MORC2: variants seen among roughly 807,000 people sequenced by gnomAD.
MORC2 encodes ATPase MORC2.
Under a neutral mutation model 136.0 loss-of-function variants are expected in MORC2, and 30 were observed. That is an observed-to-expected ratio of 0.22 (90% confidence interval 0.17 to 0.30). MORC2 has a LOEUF of 0.30. Among genes scored for constraint, MORC2 ranks in the 10% least tolerant of loss-of-function variants. The pLI is 1.00. For missense variants in MORC2, 922 were observed against 1,333.1 expected (o/e 0.69, Z 4.80); for synonymous variants, 439 against 487.0 (o/e 0.90, Z 1.30).
intron 24 of MORC2, among the ~76,000 whole-genome samples, chr22:30,931,976 T>C (rs1390823161): frequency 1.3e-5 from 2 of 152,224 alleles, no homozygotes; most frequent in African/African-American, 2.4e-5. Context: ...AGAGTCAAGT[T>C]CTATGCACTT....
chr22:30,947,285 CTGTT>C (rs1294096987), intron 5 of MORC2, among the ~76,000 whole-genome samples: 5 of 152,234 alleles, frequency 3.3e-5, no homozygotes, highest in Non-Finnish European at 7.3e-5. Flanking sequence ...CTTCCTTCCT[CTGTT>C]TGGCCACATT....
chr22:30,943,956 C>T (rs994428070), intron 6 of MORC2, among the ~76,000 whole-genome samples: 6 of 152,212 alleles, frequency 3.9e-5, no homozygotes, highest in Middle Eastern at 3.4e-3. Flanking sequence ...TTAGTAGAGA[C>T]GGGGTTTCAC....
chr22:30,953,999 C>A (rs1249396631), intron 3 of MORC2, among the ~76,000 whole-genome samples: 1 of 152,098 alleles, frequency 6.6e-6, no homozygotes, highest in African/African-American at 2.4e-5. Context: ...ACAACAAGAA[C>A]TTTATAGTAT....
intron 3 of MORC2, among the ~76,000 whole-genome samples, chr22:30,956,097 C>T (rs1377292709): frequency 6.6e-6 from 1 of 151,694 alleles, no homozygotes; most frequent in East Asian, 1.9e-4. Context: ...GTACAAATAC[C>T]AGGCAGAAAG....
At chr22:30,940,696 G>T in intron 10 of MORC2, 62 bp downstream of exon 10, 2 of 1,445,288 alleles carry the variant, frequency 1.4e-6, no homozygotes, top group Non-Finnish European at 1.9e-6. Context: ...ACCCCACTTT[G>T]CCCACAAGCA....
In MORC2 at chr22:30,937,650, C is replaced by T. The variant is rs771840677; in HGVS notation, c.1431G>A (p.Gln477=). ...EFGYLSANWN[Q]PPSSELRYKR... ...TGTAACGCAGCTCACTGGATGGGGG[C>T]TGGTTCCAGTTGGCAGAGAGGTAGC... is the stretch of plus-strand genomic sequence containing the variant. Residue 477 remains glutamine (Q), a synonymous_variant, in exon 15 of 26, where the codon CAG becomes CAA. Coordinates refer to ENST00000397641, the MANE Select transcript of MORC2 (RefSeq NM_001303256.3). This position sits in a 1 kb window ranked among gnomAD's most constrained non-coding sequence, Gnocchi z 4.7. The T allele has an allele frequency of 1.9e-6, 3 of 1,613,904 alleles. No individual in the cohort carries two copies. The highest frequency in any genetic ancestry group is 2.5e-6 in the Non-Finnish European group (3 of 1,180,038).
chr22:30,930,764 A>G (rs1367710542), intron 24 of MORC2, among the ~76,000 whole-genome samples: 1 of 152,120 alleles, frequency 6.6e-6, no homozygotes, highest in Non-Finnish European at 1.5e-5. Context: ...AGCTATTCCT[A>G]TAATAGAAAA....
chr22:30,931,203 G>A (rs2040571326), intron 24 of MORC2, among the ~76,000 whole-genome samples: 1 of 152,198 alleles, frequency 6.6e-6, no homozygotes, highest in African/African-American at 2.4e-5. Flanking sequence ...CACCCTCTTA[G>A]GGGAAGGGGC....
chr22:30,957,715 G>C (rs2040986840), intron 2 of MORC2, among the ~76,000 whole-genome samples: 1 of 152,150 alleles, frequency 6.6e-6, no homozygotes, highest in Non-Finnish European at 1.5e-5. Context: ...CTTTTTAATT[G>C]AATGGAAAAA....
intron 1 of MORC2, among the ~76,000 whole-genome samples, chr22:30,962,374 G>A (rs551797288): frequency 6.6e-6 from 1 of 151,930 alleles, no homozygotes; most frequent in East Asian, 1.9e-4. Context: ...ATCAGCCTGG[G>A]CAACACGGCA....
intron 5 of MORC2, among the ~76,000 whole-genome samples, chr22:30,948,567 A>G (rs906381932): frequency 1.3e-5 from 2 of 152,188 alleles, no homozygotes; most frequent in Non-Finnish European, 2.9e-5. Context: ...TCAATTTACA[A>G]AGGAGGAAGC....
At position 30,932,371 on chromosome 22, in the gene MORC2, T is replaced by C; in HGVS notation, c.2829A>G (p.Ile943Met). 6.2e-7 allele frequency: 1 copy of C among 1,613,574 alleles called. No homozygotes were observed. Residue 943 changes from isoleucine to methionine, a missense_variant, in exon 24 of 26, where the codon ATA becomes ATG. By Grantham distance (10) the Ile-to-Met change is conservative. This residue lies in a region of MORC2 where 263 missense variants were observed against 388.3 expected (regional missense o/e 0.68). Transcript: ENST00000397641. This position sits in a 1 kb window ranked among gnomAD's most constrained non-coding sequence, Gnocchi z 4.4. Reference sequence around the variant, plus strand: ...AGGCCAGACTCACCAGAGGAAAAGATATTAGCTCATCTGAATTCATAGCAC... The same window carrying C: ...AGGCCAGACTCACCAGAGGAAAAGACATTAGCTCATCTGAATTCATAGCAC... ...QLSAMNSDEL[I>M]SFPLKEYFKQ...
chr22:30,933,077 C>T, intron 21 of MORC2, 47 bp from the exon 22 acceptor site: 1 of 1,607,016 alleles, frequency 6.2e-7, no homozygotes, highest in Non-Finnish European at 8.5e-7. Context: ...GCGTAGAGTC[C>T]CTCACTTGGC....
At chr22:30,965,891 T>A (rs1017057046) in intron 1 of MORC2, among the ~76,000 whole-genome samples, 2 of 152,246 alleles carry the variant, frequency 1.3e-5, no homozygotes, top group African/African-American at 4.8e-5. Context: ...TAAAACTGAC[T>A]ACAGTAGGCA....
chr22:30,934,197 G>C lies in MORC2; in HGVS notation c.2194-6C>G. On this transcript the variant is annotated splice_polypyrimidine_tract_variant and splice_region_variant and intron_variant, in intron 19 of 25. Transcript: ENST00000397641. This position sits in a 1 kb window ranked among gnomAD's most constrained non-coding sequence, Gnocchi z 4.4. ...CGCTTCCGACTAGGGGTAGCCTAGA[G>C]CAAGAGGAGCGTGAGGATGTGAGGG... The C allele has an allele frequency of 1.2e-6, 2 of 1,614,130 alleles. No homozygotes were observed. The highest frequency in any genetic ancestry group is 1.7e-6 in the Non-Finnish European group (2 of 1,180,002).
In MORC2 at chr22:30,934,046, C is replaced by T. The variant is rs2040616993; in HGVS notation, c.2325+14G>A. 1.2e-6 allele frequency: 2 copies of T among 1,613,998 alleles called. No individual in the cohort carries two copies. The highest frequency in any genetic ancestry group is 2.7e-5 in the African/African-American group (2 of 75,018). On this transcript the variant is annotated intron_variant, in intron 20 of 25. Coordinates refer to ENST00000397641, the MANE Select transcript of MORC2 (RefSeq NM_001303256.3). This position sits in a 1 kb window ranked among gnomAD's most constrained non-coding sequence, Gnocchi z 4.4. ...AGAGAGAGAGGCTTTGAGAACCTCA[C>T]CTCAACCACTCACCTCATTCGAGTC... is the stretch of plus-strand genomic sequence containing the variant.
chr22:30,950,567 T>C, intron 3 of MORC2, 122 bp from the exon 4 acceptor site: 2 of 890,972 alleles, frequency 2.2e-6, no homozygotes, highest in Non-Finnish European at 3.5e-6. Context: ...GCCTAAACTT[T>C]CTACGCTGGT....
intron 20 of MORC2, among the ~76,000 whole-genome samples, 168 bp downstream of exon 20, chr22:30,933,892 C>T (rs1032857248): frequency 8.6e-5 from 13 of 151,428 alleles, no homozygotes; most frequent in Admixed American, 2.6e-4. Flanking sequence ...GCTCATGACA[C>T]GAATATAAAC....
intron 1 of MORC2, among the ~76,000 whole-genome samples, chr22:30,964,552 A>G (rs1325191125): frequency 2.6e-5 from 4 of 152,178 alleles, no homozygotes; most frequent in African/African-American, 9.7e-5. Flanking sequence ...CACTACCACC[A>G]CTACATCTGA....
Sources: gnomAD v4.1 joint callset for allele counts (sites outside exome capture counted in the v4.1 genomes callset) on GRCh38, gnomAD v4.1.1 for gene constraint, gnomAD v4.1.1 regional missense constraint, Gnocchi (gnomAD v3.1) non-coding constraint, MANE v1.5 for transcripts, NCBI Gene and HGNC (gene_info 2026-07-23, HGNC 2026-07-21) for gene names.